C9orf43: variants seen among roughly 807,000 people sequenced by gnomAD.
C9orf43 encodes chromosome 9 open reading frame 43, also known as uncharacterized protein C9orf43.
C9orf43 carries 45 observed loss-of-function variants against 59.1 expected under a neutral mutation model. That is an observed-to-expected ratio of 0.76 (90% confidence interval 0.60 to 0.98). The LOEUF is 0.98. Ranked by LOEUF, C9orf43 falls within the 50% of genes least tolerant of loss-of-function variation. The pLI is 0.00. For missense variants in C9orf43, 533 were observed against 554.9 expected (o/e 0.96, Z 0.40); for synonymous variants, 203 against 196.8 (o/e 1.03, Z -0.26).
chr9:113,417,959 C>T (rs540825385), intron 3 of C9orf43, among the ~76,000 whole-genome samples: 1 of 152,156 alleles, frequency 6.6e-6, no homozygotes, highest in Non-Finnish European at 1.5e-5. Context: ...ATCATTTACC[C>T]CTTTACATTA....
intron 3 of C9orf43, among the ~76,000 whole-genome samples, chr9:113,416,365 A>G (rs550490987): frequency 8.5e-5 from 13 of 152,206 alleles, no homozygotes; most frequent in Non-Finnish European, 1.8e-4. Context: ...TGGCTCCTCT[A>G]ATCAGAGTCT....
chr9:113,429,095 T>G, intron 13 of C9orf43, 77 bp from the exon 14 acceptor site: 1 of 1,540,204 alleles, frequency 6.5e-7, no homozygotes, highest in Non-Finnish European at 9.0e-7. Flanking sequence ...AAACACCCCA[T>G]TTTTCCTTTT....
chr9:113,425,074 A>G lies in C9orf43; in HGVS notation c.863A>G (p.Glu288Gly), dbSNP rs775446349. 2 of 1,613,314 alleles carry G rather than the reference A, an allele frequency of 1.2e-6. No homozygotes were observed. Among genetic ancestry groups the G allele is most frequent in the Non-Finnish European group, 1.7e-6 (2 of 1,179,738 alleles). ...AAGAAATTACATAACCTGAAGACAG[A>G]AGGTAGATTTGCTGTTGCTGCTGGA... is the stretch of plus-strand genomic sequence containing the variant. ...RLKKLHNLKTEGYRKQQQRQQ... is the reference protein window; with the variant it reads ...RLKKLHNLKTGGYRKQQQRQQ... Residue 288 changes from glutamate (E) to glycine (G), a missense_variant and splice_region_variant, in exon 9 of 14, where the codon GAA becomes GGA. Glu to Gly is a moderately conservative substitution (Grantham distance 98, BLOSUM62 -2). Transcript: ENST00000374165.
At chr9:113,418,287 T>C (rs963129277) in intron 3 of C9orf43, among the ~76,000 whole-genome samples, 8 of 152,254 alleles carry the variant, frequency 5.3e-5, no homozygotes, top group Non-Finnish European at 7.3e-5. Flanking sequence ...AACTTGCCTG[T>C]TCTAAATACC....
At chr9:113,416,282 A>ACTTTG (rs1828354445) in intron 3 of C9orf43, among the ~76,000 whole-genome samples, 2 of 152,136 alleles carry the variant, frequency 1.3e-5, no homozygotes, top group Non-Finnish European at 2.9e-5. Flanking sequence ...AAGCCCCTTT[A>ACTTTG]TCAGAACTTT....
In C9orf43 at chr9:113,422,556, G is replaced by A; in HGVS notation, c.454G>A (p.Gly152Arg). ...TGTTTTGTTTTTCTCCAGCCAGCAT[G>A]GGAAGAAGAAAAGAAAGAACTCGGC... is the stretch of plus-strand genomic sequence containing the variant. ...EETEIHVSQH[G>R]KKKRKNSAVK... Residue 152 changes from glycine (G) to arginine (R), a missense_variant, in exon 6 of 14, where the codon GGG (glycine) becomes AGG (arginine). Gly to Arg is a moderately radical substitution (Grantham distance 125). Transcript: ENST00000374165. 6.2e-7 allele frequency: 1 copy of A among 1,613,870 alleles called. No homozygotes were observed. Among genetic ancestry groups the A allele is most frequent in the Non-Finnish European group, 8.5e-7 (1 of 1,179,924 alleles).
At chr9:113,426,526 G>GGT (rs1471656061) in intron 11 of C9orf43, among the ~76,000 whole-genome samples, 9 of 152,266 alleles carry the variant, frequency 5.9e-5, no homozygotes, top group African/African-American at 1.9e-4. Context: ...TGGGGCACTG[G>GGT]GAGGGCTGAG....
chr9:113,411,721 C>T lies in C9orf43; in HGVS notation c.-50+720C>T, dbSNP rs185057014. Among the ~76,000 whole-genome samples, 105 of 152,254 alleles carry T rather than the reference C, an allele frequency of 6.9e-4. 1 individual carries two copies. The highest frequency in any genetic ancestry group is 1.2e-3 in the Non-Finnish European group (84 of 68,014). On this transcript the variant is annotated intron_variant, in intron 1 of 13. Coordinates refer to ENST00000374165, the MANE Select transcript of C9orf43 (RefSeq NM_001278629.2). ...CTTGACAGGGTCTCACTCCGTCCCC[C>T]AGGCTGGAGTGCAGCGGCACGGTCT...
chr9:113,429,458 C>A lies in C9orf43; in HGVS notation c.*72C>A. On this transcript the variant is annotated 3_prime_UTR_variant, in exon 14 of 14. Transcript: ENST00000374165. ...GTTCCAAAGCGGGATGGCTGGTATC[C>A]TGAGGGCAGCAACGTTTCACATAAG... 1 of 1,326,568 alleles carries A rather than the reference C, an allele frequency of 7.5e-7. No homozygotes were observed. 82.2% of individuals were successfully genotyped at this position (1,326,568 alleles called of 1,614,324 possible). A position where few individuals can be genotyped will look rare whatever the true frequency, so the allele number is the denominator to read the frequency against.
At chr9:113,427,553 C>T (rs1828837924) in intron 11 of C9orf43, among the ~76,000 whole-genome samples, 1 of 152,200 alleles carries the variant, frequency 6.6e-6, no homozygotes, top group Non-Finnish European at 1.5e-5. Context: ...GGAACTAGGC[C>T]TCAGTGTTTT....
chr9:113,417,951 C>T lies in C9orf43; in HGVS notation c.288-1157C>T, dbSNP rs571898449. Among the ~76,000 whole-genome samples, 4 of 152,178 alleles carry T rather than the reference C, an allele frequency of 2.6e-5. No individual in the cohort carries two copies. In the South Asian group the frequency reaches 8.3e-4, roughly 32 times the overall value. On this transcript the variant is annotated intron_variant, in intron 3 of 13. Transcript: ENST00000374165. Reference sequence around the variant, plus strand: ...CACTATCATTCCTAAAGATCTTTATCATTTACCCCTTTACATTATTCATTC... The same window carrying T: ...CACTATCATTCCTAAAGATCTTTATTATTTACCCCTTTACATTATTCATTC...
In C9orf43 at chr9:113,429,371, C is replaced by A. The variant is rs1173572239; in HGVS notation, c.1371C>A (p.Ser457=). The change falls in exon 14 of 14, where the codon TCC becomes TCA. Residue 457 remains serine (S), a synonymous_variant. Coordinates refer to ENST00000374165, the MANE Select transcript of C9orf43 (RefSeq NM_001278629.2). The part of the protein sequence containing the change: ...DTDDEDEEDQ[S]SGAE The stretch of plus-strand genomic sequence containing the variant: ...ATGATGAGGATGAGGAGGACCAGTC[C>A]TCTGGGGCAGAGTGAGAAGCCTCTG... 7.4e-6 allele frequency: 12 copies of A among 1,613,888 alleles called. No homozygotes were observed. The highest frequency in any genetic ancestry group is 9.3e-6 in the Non-Finnish European group (11 of 1,180,000).
rs1344253975 is a variant in C9orf43, at chr9:113,411,135, G to A, written c.-50+134G>A. 4.1e-6 allele frequency: 4 copies of A among 985,118 alleles called. No individual in the cohort carries two copies. The East Asian group carries it at 4.5e-4, about 112-fold the overall frequency. The allele number at this position is 985,118 out of a possible 1,614,324, so 61.0% of individuals were successfully genotyped here. A position where few individuals can be genotyped will look rare whatever the true frequency, so the allele number is the denominator to read the frequency against. ...GGTCTCAGGAGTCAATTCGGACTGGGCAGGTAACGAAAGGGCGAGAAGCAG... is the reference window on the plus strand; with the variant it reads ...GGTCTCAGGAGTCAATTCGGACTGGACAGGTAACGAAAGGGCGAGAAGCAG... On this transcript the variant is annotated intron_variant, in intron 1 of 13. Coordinates refer to ENST00000374165, the MANE Select transcript of C9orf43 (RefSeq NM_001278629.2).
chr9:113,423,233 T>C (rs1016785571), intron 6 of C9orf43, 93 bp from the exon 7 acceptor site: 53 of 1,270,396 alleles, frequency 4.2e-5, no homozygotes, highest in Non-Finnish European at 5.3e-5. Context: ...CTGGAGTACA[T>C]GCCAGGGTAG....
intron 6 of C9orf43, 72 bp from the exon 7 acceptor site, chr9:113,423,254 C>T: frequency 1.3e-6 from 2 of 1,481,532 alleles, no homozygotes; most frequent in Non-Finnish European, 1.8e-6. Context: ...TGTTGAGAGG[C>T]TAGAATGTTG....
chr9:113,413,438 T>A lies in C9orf43; in HGVS notation c.-49-7T>A, dbSNP rs954049006. 7 of 1,571,202 alleles carry A rather than the reference T, an allele frequency of 4.5e-6. No homozygotes were observed. Among genetic ancestry groups the A allele is most frequent in the Non-Finnish European group, 6.1e-6 (7 of 1,153,348 alleles). ...ACTCCCTAATTATGTAGCTGTTGATTTTCCAGAGCACTAGAATGCTGCAGG... is the reference window on the plus strand; with the variant it reads ...ACTCCCTAATTATGTAGCTGTTGATATTCCAGAGCACTAGAATGCTGCAGG... On this transcript the variant is annotated splice_polypyrimidine_tract_variant and splice_region_variant and intron_variant, in intron 1 of 13. Coordinates refer to ENST00000374165, the MANE Select transcript of C9orf43 (RefSeq NM_001278629.2).
rs150999970 is a variant in C9orf43 at position 113,414,531 on chromosome 9, T to C, written c.287+637T>C. On this transcript the variant is annotated intron_variant, in intron 3 of 13. Coordinates refer to ENST00000374165, the MANE Select transcript of C9orf43 (RefSeq NM_001278629.2). Reference sequence around the variant, plus strand: ...AACTCCTGGCCTCAAGTGATCCTCCTGCCTTGGCCTCCCAAATTGTTGGGA... The same window carrying C: ...AACTCCTGGCCTCAAGTGATCCTCCCGCCTTGGCCTCCCAAATTGTTGGGA... 2.6e-5 allele frequency among the ~76,000 whole-genome samples: 4 copies of C among 152,018 alleles called. No individual in the cohort carries two copies. The East Asian group carries it at 7.8e-4, about 29-fold the overall frequency.
intron 4 of C9orf43, 61 bp downstream of exon 4, chr9:113,419,226 T>C (rs1828483487): frequency 8.0e-7 from 1 of 1,257,220 alleles, no homozygotes; most frequent in Admixed American, 1.9e-5. Flanking sequence ...GGAAATAAAC[T>C]ATTCTGCCTT....
At chr9:113,422,802 A>G (rs1828633235) in intron 6 of C9orf43, among the ~76,000 whole-genome samples, 1 of 152,038 alleles carries the variant, frequency 6.6e-6, no homozygotes, top group South Asian at 2.1e-4. Flanking sequence ...GAGCACCTTG[A>G]GATAATAGGA....
Sources: gnomAD v4.1 joint callset for allele counts (sites outside exome capture counted in the v4.1 genomes callset) on GRCh38, gnomAD v4.1.1 for gene constraint, MANE v1.5 for transcripts, NCBI Gene and HGNC (gene_info 2026-07-23, HGNC 2026-07-21) for gene names.